TRAPPC11: variants seen among roughly 807,000 people sequenced by gnomAD.
TRAPPC11 encodes the protein trafficking protein particle complex subunit 11, also known as foie gras homolog.
A neutral mutation model predicts 151.2 loss-of-function variants in TRAPPC11; 104 were observed. That is an observed-to-expected ratio of 0.69 (90% CI 0.59 to 0.81). The LOEUF is 0.81. TRAPPC11 is among the 30% of genes least tolerant of loss of function. The probability of loss-of-function intolerance (pLI) is 0.00; values close to 1 mark genes in which losing one functional copy is unlikely to be tolerated. For synonymous variants in TRAPPC11, 456 were observed against 472.3 expected (o/e 0.97, Z 0.45); for missense variants, 1,230 against 1,349.6 (o/e 0.91, Z 1.39).
At chr4:183,689,151 T>C (rs1240135480) in intron 18 of TRAPPC11, among the ~76,000 whole-genome samples, 1 of 152,200 alleles carries the variant, frequency 6.6e-6, no homozygotes, top group Non-Finnish European at 1.5e-5. Flanking sequence ...AGAGGCTCTT[T>C]ATATTAATCC....
At chr4:183,706,250 G>A (rs887554673) in intron 27 of TRAPPC11, among the ~76,000 whole-genome samples, 9 of 152,210 alleles carry the variant, frequency 5.9e-5, no homozygotes, top group Admixed American at 1.3e-4. Flanking sequence ...CTGGCTGGGC[G>A]CGGTGGCTCA....
Position 183,697,561 on chromosome 4 carries a change from C to T in TRAPPC11, c.2687C>T (p.Ser896Phe). The T allele has an allele frequency of 6.2e-7, 1 of 1,603,658 alleles. No homozygotes were observed. The highest frequency in any genetic ancestry group is 8.5e-7 in the Non-Finnish European group (1 of 1,177,834). The change falls in exon 24 of 30, where the codon TCT becomes TTT. Residue 896 changes from serine to phenylalanine, a missense_variant. By Grantham distance (155) the Ser-to-Phe change is radical. Transcript: ENST00000334690. ...TTTGATGTTGCGGTTAAATTTGTTTCTACCAAGGTATGTTTCTTTGAGGCA... is the reference window on the plus strand; with the variant it reads ...TTTGATGTTGCGGTTAAATTTGTTTTTACCAAGGTATGTTTCTTTGAGGCA... The part of the protein sequence containing the change: ...FPFDVAVKFV[S>F]TKFEHLERVY...
chr4:183,705,495 T>C (rs1405649072), intron 27 of TRAPPC11, among the ~76,000 whole-genome samples: 3 of 152,140 alleles, frequency 2.0e-5, no homozygotes, highest in South Asian at 2.1e-4. Context: ...AACCTATAGG[T>C]AGGCAGCTAG....
chr4:183,684,787 C>G lies in TRAPPC11; in HGVS notation c.1513C>G (p.Leu505Val), dbSNP rs764585505. Residue 505 changes from leucine (L) to valine (V), a missense_variant, in exon 15 of 30, where the codon CTC (leucine) becomes GTC (valine). Physicochemically the swap from Leu to Val is conservative, Grantham distance 32. Coordinates refer to ENST00000334690, the MANE Select transcript of TRAPPC11 (RefSeq NM_021942.6). The part of the protein sequence containing the change: ...VLTTALKCSY[L>V]MAQLKDYITY... ...AACTACAGCTCTGAAGTGCTCCTACCTCATGGCCCAATTAAAGGATTACAT... is the reference window on the plus strand; with the variant it reads ...AACTACAGCTCTGAAGTGCTCCTACGTCATGGCCCAATTAAAGGATTACAT... 1 of 1,613,950 alleles carries G rather than the reference C, an allele frequency of 6.2e-7. No homozygotes were observed. The highest frequency in any genetic ancestry group is 8.5e-7 in the Non-Finnish European group (1 of 1,179,882).
At chr4:183,674,881 C>A in intron 6 of TRAPPC11, 69 bp downstream of exon 6, 1 of 976,108 alleles carries the variant, frequency 1.0e-6, no homozygotes, top group Non-Finnish European at 1.6e-6. Context: ...GTGATTATTA[C>A]ATGTTCTTAA....
Position 183,693,444 on chromosome 4 carries a change from G to A in TRAPPC11, c.2238-145G>A, listed in dbSNP as rs187924896. The stretch of plus-strand genomic sequence containing the variant: ...TTGTTTCAAACTCCTGGGCTCAAGC[G>A]ATCCTCCTGCCTCAGTCTCCCAAAA... On this transcript the variant is annotated intron_variant, in intron 20 of 29. Coordinates refer to ENST00000334690, the MANE Select transcript of TRAPPC11 (RefSeq NM_021942.6). 359 of 861,764 alleles carry A rather than the reference G, an allele frequency of 4.2e-4. 2 individuals are homozygous for A. In the African/African-American group the frequency reaches 4.5e-3, roughly 11 times the overall value. 53.4% of individuals were successfully genotyped at this position (861,764 alleles called of 1,614,324 possible).
intron 7 of TRAPPC11, 124 bp from the exon 8 acceptor site, chr4:183,677,334 T>C (rs915748764): frequency 1.2e-5 from 8 of 680,272 alleles, no homozygotes; most frequent in Non-Finnish European, 2.1e-5. Context: ...AAATCAGAGA[T>C]TGACATTATT....
At chr4:183,678,103 T>C (rs2111342112) in intron 8 of TRAPPC11, among the ~76,000 whole-genome samples, 1 of 152,226 alleles carries the variant, frequency 6.6e-6, no homozygotes, top group East Asian at 1.9e-4. Flanking sequence ...CACACCCAGC[T>C]AATTTTTGTG....
chr4:183,696,093 A>G (rs1736523476), intron 23 of TRAPPC11, among the ~76,000 whole-genome samples: 1 of 152,200 alleles, frequency 6.6e-6, no homozygotes, highest in Non-Finnish European at 1.5e-5. Context: ...TGCTCCCAGG[A>G]GCATTTTGGA....
Position 183,659,371 on chromosome 4 carries a change from C to G in TRAPPC11, c.-98C>G, listed in dbSNP as rs1007536329. 1 of 171,146 alleles carries G rather than the reference C, an allele frequency of 5.8e-6. No homozygotes were observed. Among genetic ancestry groups the G allele is most frequent in the Non-Finnish European group, 1.2e-5 (1 of 80,612 alleles). 10.6% of individuals were successfully genotyped at this position (171,146 alleles called of 1,614,324 possible). On this transcript the variant is annotated 5_prime_UTR_variant, in exon 1 of 30. It adds an upstream start codon to the 5' untranslated region. Transcript: ENST00000334690. ...GACGGGCCACGGCGTTCTGTGACATCCCCCCGCCTCCCCTCGTCTTCTCCC... is the reference window on the plus strand; with the variant it reads ...GACGGGCCACGGCGTTCTGTGACATGCCCCCGCCTCCCCTCGTCTTCTCCC...
intron 18 of TRAPPC11, 123 bp downstream of exon 18, chr4:183,686,871 T>C: frequency 8.3e-7 from 1 of 1,203,196 alleles, no homozygotes; most frequent in Non-Finnish European, 1.2e-6. Context: ...TGAACTTTGG[T>C]AAGGTCTATT....
At chr4:183,672,960 A>ATTTTTTTTTTT (rs35637688) in intron 5 of TRAPPC11, among the ~76,000 whole-genome samples, 1 of 131,022 alleles carries the variant, frequency 7.6e-6, no homozygotes, top group African/African-American at 2.9e-5. Context: ...CCGTTCGCAA[A>ATTTTTTTTTTT]TTTTTTTTTT....
At chr4:183,705,733 TG>T (rs1579226191) in intron 27 of TRAPPC11, among the ~76,000 whole-genome samples, 1 of 152,324 alleles carries the variant, frequency 6.6e-6, no homozygotes, top group East Asian at 1.9e-4. Context: ...CCCTATAAAT[TG>T]GCAGCCTGTC....
chr4:183,680,666 C>CTGTATGG (rs1256504091), intron 10 of TRAPPC11, among the ~76,000 whole-genome samples: 1 of 141,970 alleles, frequency 7.0e-6, no homozygotes, highest in Non-Finnish European at 1.5e-5. Context: ...TGGGGTTTTC[C>CTGTATGG]TGTATGGAGA....
Position 183,699,481 on chromosome 4 carries a change from A to T in TRAPPC11, c.2851+1646A>T, listed in dbSNP as rs556135006. 2.0e-5 allele frequency among the ~76,000 whole-genome samples: 3 copies of T among 152,270 alleles called. No individual in the cohort carries two copies. In the South Asian group the frequency reaches 6.2e-4, roughly 32 times the overall value. On this transcript the variant is annotated intron_variant, in intron 25 of 29. Coordinates refer to ENST00000334690, the MANE Select transcript of TRAPPC11 (RefSeq NM_021942.6). ...CCTGAGTTGTGTCTTATTCATCTTC[A>T]TATCGCTAGCATCATAGTACTTAGC...
intron 25 of TRAPPC11, chr4:183,700,743 T>C (rs1057347214): frequency 1.3e-5 from 2 of 152,158 alleles, no homozygotes; most frequent in African/African-American, 4.8e-5. Flanking sequence ...AGATTTCGGG[T>C]TTTTCAGATT....
intron 1 of TRAPPC11, among the ~76,000 whole-genome samples, chr4:183,659,910 C>A (rs141121428): frequency 1.0e-3 from 150 of 145,762 alleles, no homozygotes; most frequent in African/African-American, 3.7e-3. Flanking sequence ...AAAAAAGTAA[C>A]CACATTAGGT....
At chr4:183,688,062 G>T (rs979100461) in intron 18 of TRAPPC11, among the ~76,000 whole-genome samples, 1 of 152,158 alleles carries the variant, frequency 6.6e-6, no homozygotes, top group Non-Finnish European at 1.5e-5. Flanking sequence ...AAAGTATAGT[G>T]AGTCTTTCAC....
rs143097221 is a variant in TRAPPC11 at position 183,686,567 on chromosome 4, G to A, written c.1763-51G>A. The stretch of plus-strand genomic sequence containing the variant: ...CAATTTGGTTAACAGGATGTGTGTG[G>A]GTCGTGGGTATCTGGTTGTGCATAA... On this transcript the variant is annotated intron_variant, in intron 17 of 29. Transcript: ENST00000334690. 1.6e-4 allele frequency: 251 copies of A among 1,597,756 alleles called. 1 individual carries two copies. In the East Asian group the frequency reaches 3.7e-3, roughly 23 times the overall value.
Sources: gnomAD v4.1 joint callset for allele counts (sites outside exome capture counted in the v4.1 genomes callset) on GRCh38, gnomAD v4.1.1 for gene constraint, MANE v1.5 for transcripts, NCBI Gene and HGNC (gene_info 2026-07-23, HGNC 2026-07-21) for gene names.